Variants in PSMG4 observed in about 807,000 individuals in gnomAD.
PSMG4 encodes the protein proteasome (prosome, macropain) assembly chaperone 4.
PSMG4 carries 10 observed loss-of-function variants against 11.0 expected under a neutral mutation model. The observed-to-expected ratio is 0.91, with a 90% CI of 0.56 to 1.54. The LOEUF (loss-of-function observed/expected upper bound fraction) is 1.54, where lower values mean the gene tolerates loss of function less well. Ranked by LOEUF, PSMG4 falls within the 40% of genes most tolerant of loss-of-function variation. The probability of loss-of-function intolerance (pLI) is 0.00; values close to 1 mark genes in which losing one functional copy is unlikely to be tolerated. For missense variants in PSMG4, 198 were observed against 160.9 expected, an observed-to-expected ratio of 1.23 and a Z score of -1.25; for synonymous variants, 95 against 71.3, an observed-to-expected ratio of 1.33 and a Z score of -1.68.
In PSMG4 at chr6:3,259,137, C is replaced by A; in HGVS notation, c.115C>A (p.Leu39Met). ...HVMRLTDSLF[L>M]WVGATPHLRN... ...CATGCGGCTGACGGACTCGCTGTTC[C>A]TGTGGGTGGGGGCCACGCCGCACCT... Residue 39 changes from leucine to methionine, a missense_variant, in exon 1 of 3, where the codon CTG becomes ATG. Physicochemically the swap from Leu to Met is conservative, Grantham distance 15. Transcript: ENST00000438998. The A allele has an allele frequency of 8.5e-6, 11 of 1,299,686 alleles. No individual in the cohort carries two copies. Among genetic ancestry groups the A allele is most frequent in the Non-Finnish European group, 1.1e-5 (11 of 1,023,318 alleles). 80.5% of individuals were successfully genotyped at this position (1,299,686 alleles called of 1,614,324 possible).
At chr6:3,263,935 G>A in intron 2 of PSMG4, 176 bp downstream of exon 2, 1 of 1,407,284 alleles carries the variant, frequency 7.1e-7, no homozygotes, top group East Asian at 2.5e-5. Flanking sequence ...CACATTCCAT[G>A]CTCGCCTGTC....
At chr6:3,262,792 G>GGTTTTTT (rs10622830) in intron 1 of PSMG4, among the ~76,000 whole-genome samples, 4 of 141,814 alleles carry the variant, frequency 2.8e-5, no homozygotes, top group South Asian at 4.3e-4. Context: ...ACCAATAAGT[G>GGTTTTTT]TTTTTTTTTT....
intron 1 of PSMG4, 130 bp from the exon 2 acceptor site, chr6:3,263,554 G>C: frequency 1.4e-6 from 1 of 723,382 alleles, no homozygotes; most frequent in African/African-American, 1.8e-5. Flanking sequence ...TCTTTCCCTC[G>C]GCACCTGTGC....
chr6:3,255,278 G>A (rs1482861070), upstream of PSMG4: 14 of 1,539,578 alleles, frequency 9.1e-6, no homozygotes, highest in Non-Finnish European at 1.1e-5. Context: ...CTGTCTTACG[G>A]GTCTATCGGT....
upstream of PSMG4, chr6:3,255,213 G>C: frequency 1.3e-6 from 2 of 1,550,116 alleles, no homozygotes; most frequent in Admixed American, 2.0e-5. Context: ...GTGGCAGCAG[G>C]AGCAAAATCA....
rs10622830 is a variant in PSMG4, at chr6:3,262,792, G to GGT, written c.175-892_175-891insGT. 3.5e-5 allele frequency among the ~76,000 whole-genome samples: 5 copies of GGT among 141,824 alleles called. 1 individual carries two copies. The highest frequency in any genetic ancestry group is 3.9e-4 in the East Asian group (2 of 5,098). 93.0% of individuals were successfully genotyped at this position (141,824 alleles called of 152,430 possible). ...AATTTTGGCCATATTACCAATAAGT[G>GGT]TTTTTTTTTTCCCCCTTTGGAAGCT... On this transcript the variant is annotated intron_variant, in intron 1 of 2. Coordinates refer to ENST00000438998, the MANE Select transcript of PSMG4 (RefSeq NM_001128591.2).
chr6:3,265,080 A>G (rs1758130343), intron 2 of PSMG4: 1 of 152,194 alleles, frequency 6.6e-6, no homozygotes, highest in Non-Finnish European at 1.5e-5. Context: ...AGTCTCCAGA[A>G]TATTTGCGAG....
upstream of PSMG4, chr6:3,258,907 C>A: frequency 3.8e-6 from 4 of 1,061,594 alleles, no homozygotes; most frequent in African/African-American, 3.3e-5. Flanking sequence ...CCCGCCCTTC[C>A]GGGGCCGAAA....
upstream of PSMG4, chr6:3,258,884 C>G: frequency 1.2e-6 from 1 of 853,898 alleles, no homozygotes; most frequent in Non-Finnish European, 1.6e-6. Flanking sequence ...CCTCCCCGAC[C>G]ACGCCCCTCA....
chr6:3,263,093 T>G (rs937347784), intron 1 of PSMG4, among the ~76,000 whole-genome samples: 8 of 152,220 alleles, frequency 5.3e-5, no homozygotes, highest in African/African-American at 1.7e-4. Flanking sequence ...GCTTCTTGTC[T>G]GAAATGAGGT....
At chr6:3,254,926 A>G (rs539742249), upstream of PSMG4, 45 of 1,089,986 alleles carry the variant, frequency 4.1e-5, no homozygotes, top group South Asian at 3.6e-4. Context: ...TGCTTCAGCC[A>G]TTCTCTCACT....
At chr6:3,254,714 G>C (rs186227649), upstream of PSMG4, among the ~76,000 whole-genome samples, 1 of 152,142 alleles carries the variant, frequency 6.6e-6, no homozygotes, top group African/African-American at 2.4e-5. Flanking sequence ...GATGCGCCTG[G>C]ACACCAGAAA....
At chr6:3,259,409 C>T (rs1757886935) in intron 1 of PSMG4, among the ~76,000 whole-genome samples, 1 of 152,216 alleles carries the variant, frequency 6.6e-6, no homozygotes, top group South Asian at 2.1e-4. Context: ...CTCCTTGTCC[C>T]GCCGCCCCGC....
upstream of PSMG4, among the ~76,000 whole-genome samples, chr6:3,255,779 A>G (rs1033223357): frequency 5.3e-5 from 8 of 152,248 alleles, no homozygotes; most frequent in Non-Finnish European, 1.2e-4. Context: ...TGGAATGTCC[A>G]GAGAGTCCCA....
At chr6:3,254,447 T>G (rs1264788330), upstream of PSMG4, among the ~76,000 whole-genome samples, 1 of 69,054 alleles carries the variant, frequency 1.4e-5, no homozygotes, top group East Asian at 3.9e-4. Context: ...GTAATAGTTT[T>G]CTGCTTTTTT....
upstream of PSMG4, among the ~76,000 whole-genome samples, chr6:3,254,711 C>A (rs537653296): frequency 6.6e-6 from 1 of 152,126 alleles, no homozygotes; most frequent in African/African-American, 2.4e-5. Flanking sequence ...TGGGATGCGC[C>A]TGGACACCAG....
At chr6:3,261,645 T>C (rs1757994853) in intron 1 of PSMG4, among the ~76,000 whole-genome samples, 2 of 152,300 alleles carry the variant, frequency 1.3e-5, no homozygotes, top group African/African-American at 4.8e-5. Flanking sequence ...CTGGCCGCAG[T>C]GTGCCTGGGT....
chr6:3,260,291 A>ATATATATATATATATATATTTTTTT, intron 1 of PSMG4, among the ~76,000 whole-genome samples: 1 of 70,862 alleles, frequency 1.4e-5, no homozygotes, highest in East Asian at 4.6e-4. Flanking sequence ...ATATATATAT[A>ATATATATATATATATATATTTTTTT]TTTTTTTTTT....
At chr6:3,259,460 G>T (rs956523082) in intron 1 of PSMG4, among the ~76,000 whole-genome samples, 3 of 152,248 alleles carry the variant, frequency 2.0e-5, no homozygotes, top group African/African-American at 7.2e-5. Context: ...AGAATGTCTT[G>T]GGTCTGTCCT....
Sources: gnomAD v4.1 joint callset for allele counts (sites outside exome capture counted in the v4.1 genomes callset) on GRCh38, gnomAD v4.1.1 for gene constraint, MANE v1.5 for transcripts, NCBI Gene and HGNC (gene_info 2026-07-23, HGNC 2026-07-21) for gene names.